The following ADAM12 variants were observed in gnomAD, a reference collection of about 807,000 sequenced individuals.
The protein encoded by ADAM12 is disintegrin and metalloproteinase domain-containing protein 12.
ADAM12 carries 70 observed loss-of-function variants against 106.4 expected under a neutral mutation model. The ratio of observed to expected loss-of-function variants is 0.66; its 90% CI spans 0.54 to 0.80. The LOEUF (loss-of-function observed/expected upper bound fraction) is 0.80. Ranked by LOEUF, ADAM12 falls within the 30% of genes least tolerant of loss-of-function variation. The probability of loss-of-function intolerance (pLI) is 0.00; values close to 1 mark genes in which losing one functional copy is unlikely to be tolerated. For missense variants in ADAM12, 1,010 were observed against 1,171.9 expected (o/e 0.86, Z 2.02); for synonymous variants, 420 against 433.5 (o/e 0.97, Z 0.39).
chr10:126,089,761 G>A (rs1027975858), intron 11 of ADAM12, among the ~76,000 whole-genome samples: 5 of 151,612 alleles, frequency 3.3e-5, no homozygotes, highest in South Asian at 2.1e-4. Flanking sequence ...TCCCCACAGC[G>A]CCCACAGGCC....
chr10:126,350,008 T>A (rs770507321), intron 1 of ADAM12, among the ~76,000 whole-genome samples: 2 of 152,198 alleles, frequency 1.3e-5, no homozygotes, highest in Non-Finnish European at 1.5e-5. Context: ...CTTTGTTTCA[T>A]CTTTCCTTCA....
intron 2 of ADAM12, among the ~76,000 whole-genome samples, chr10:126,283,159 C>T (rs1042026521): frequency 4.6e-5 from 7 of 152,090 alleles, no homozygotes; most frequent in African/African-American, 1.4e-4. Flanking sequence ...CCAGTGCCTC[C>T]GCTAATCTGA....
At chr10:126,055,722 C>A (rs1458345526) in intron 14 of ADAM12, among the ~76,000 whole-genome samples, 1 of 152,226 alleles carries the variant, frequency 6.6e-6, no homozygotes, top group African/African-American at 2.4e-5. Flanking sequence ...CTCTTCGGAA[C>A]CACCAACATA....
chr10:126,202,919 C>G (rs1341839936), intron 3 of ADAM12, among the ~76,000 whole-genome samples: 2 of 152,108 alleles, frequency 1.3e-5, no homozygotes, highest in Admixed American at 6.5e-5. Flanking sequence ...CCTTTCAAGA[C>G]TTTTTATTTC....
At position 126,015,554 on chromosome 10, in the gene ADAM12, G is replaced by A. The variant is rs1953647735; in HGVS notation, c.*1725C>T. On this transcript the variant is annotated 3_prime_UTR_variant, in exon 23 of 23. Coordinates refer to ENST00000448723, the MANE Select transcript of ADAM12 (RefSeq NM_001288973.2). ...ACGAGTTGGAATGTATTAGAGCTGG[G>A]TTCCCTTTTGTGTGTGTTTGTGTCA... 6.6e-6 allele frequency: 1 copy of A among 152,156 alleles called. No homozygotes were observed. The highest frequency in any genetic ancestry group is 1.5e-5 in the Non-Finnish European group (1 of 68,036). The allele number at this position is 152,156 out of a possible 1,614,324, so 9.4% of individuals were successfully genotyped here.
chr10:126,135,894 CTT>C (rs1956396582), intron 4 of ADAM12, among the ~76,000 whole-genome samples: 1 of 152,242 alleles, frequency 6.6e-6, no homozygotes, highest in Non-Finnish European at 1.5e-5. Context: ...TAGTTTCACT[CTT>C]GTCTCTCTGG....
intron 1 of ADAM12, among the ~76,000 whole-genome samples, chr10:126,363,276 A>G (rs565852344): frequency 3.9e-5 from 6 of 152,210 alleles, no homozygotes; most frequent in Non-Finnish European, 8.8e-5. Context: ...TCTGTACAAG[A>G]TTTATGTTCC....
chr10:126,233,177 GAGA>G (rs1285356428), intron 3 of ADAM12, among the ~76,000 whole-genome samples: 2 of 152,160 alleles, frequency 1.3e-5, no homozygotes, highest in African/African-American at 2.4e-5. Context: ...GGGTGTGCGG[GAGA>G]AGAACAGCCA....
intron 21 of ADAM12, among the ~76,000 whole-genome samples, chr10:126,027,952 A>G (rs1953906370): frequency 6.6e-6 from 1 of 152,304 alleles, no homozygotes; most frequent in East Asian, 1.9e-4. Flanking sequence ...TGAAAACCCC[A>G]TTGTCTTAGC....
intron 1 of ADAM12, among the ~76,000 whole-genome samples, chr10:126,351,508 T>C (rs1007586189): frequency 3.3e-5 from 5 of 152,252 alleles, no homozygotes; most frequent in Non-Finnish European, 7.4e-5. Flanking sequence ...GGCATGTGCT[T>C]ACTACCTGGC....
intron 8 of ADAM12, among the ~76,000 whole-genome samples, chr10:126,103,365 C>T (rs1955703917): frequency 6.6e-6 from 1 of 152,180 alleles, no homozygotes; most frequent in African/African-American, 2.4e-5. Context: ...TGACGGGTTC[C>T]TTTTGATTCT....
rs180847170 is a variant in ADAM12 at position 126,094,742 on chromosome 10, C to T, written c.997-609G>A. On this transcript the variant is annotated intron_variant, in intron 10 of 22. Coordinates refer to ENST00000448723, the MANE Select transcript of ADAM12 (RefSeq NM_001288973.2). Reference sequence around the variant, plus strand: ...CATTCATTTCATTTAAGATTATAAACCAGCTATATCTTATTCTTGCTGGCT... The same window carrying T: ...CATTCATTTCATTTAAGATTATAAATCAGCTATATCTTATTCTTGCTGGCT... Among the ~76,000 whole-genome samples, 5 of 152,276 alleles carry T rather than the reference C, an allele frequency of 3.3e-5. No individual in the cohort carries two copies. In the East Asian group the frequency reaches 7.7e-4, roughly 23 times the overall value.
chr10:126,041,791 A>G (rs6693), intron 18 of ADAM12: 587,662 of 1,110,558 alleles, frequency 0.53, 157,543 homozygotes, highest in Admixed American at 0.55. Flanking sequence ...ACTGCTGTGG[A>G]GGCTCAGTGA....
intron 1 of ADAM12, among the ~76,000 whole-genome samples, chr10:126,379,664 G>C (rs11812891): frequency 0.04 from 6,145 of 152,092 alleles, 427 homozygotes; most frequent in African/African-American, 0.14. Flanking sequence ...TGCACGTTCT[G>C]CCATGTACCC....
chr10:126,324,103 G>A (rs1428215329), intron 2 of ADAM12, among the ~76,000 whole-genome samples: 1 of 152,214 alleles, frequency 6.6e-6, no homozygotes, highest in Non-Finnish European at 1.5e-5. Flanking sequence ...ATCTGTTTCT[G>A]CCATGTGCAA....
intron 10 of ADAM12, among the ~76,000 whole-genome samples, chr10:126,096,354 T>C (rs935554310): frequency 6.6e-6 from 1 of 152,238 alleles, no homozygotes; most frequent in East Asian, 1.9e-4. Context: ...TTAAAAGACC[T>C]TGATAAACAG....
chr10:126,132,528 C>G lies in ADAM12; in HGVS notation c.416+3056G>C, dbSNP rs563785639. On this transcript the variant is annotated intron_variant, in intron 5 of 22. Coordinates refer to ENST00000448723, the MANE Select transcript of ADAM12 (RefSeq NM_001288973.2). ...TCCCAGGAGTGCTGCATGAACACCC[C>G]CCCCCCCTCAACTAGTCCAGTCCCA... 1.6e-4 allele frequency among the ~76,000 whole-genome samples: 23 copies of G among 140,094 alleles called. 1 individual carries two copies. Among genetic ancestry groups the G allele is most frequent in the South Asian group, 1.6e-3 (6 of 3,748 alleles). 91.9% of individuals were successfully genotyped at this position (140,094 alleles called of 152,430 possible).
chr10:126,348,772 T>C (rs909312636), intron 1 of ADAM12, among the ~76,000 whole-genome samples: 8 of 152,226 alleles, frequency 5.3e-5, no homozygotes, highest in Non-Finnish European at 7.3e-5. Context: ...CCAAGTAGAA[T>C]GATCAAATTT....
chr10:126,206,744 GA>G (rs1321522885), intron 3 of ADAM12, among the ~76,000 whole-genome samples: 1 of 151,846 alleles, frequency 6.6e-6, no homozygotes, highest in Non-Finnish European at 1.5e-5. Context: ...TCTTTCTCCT[GA>G]AGGCTTTGCA....
Sources: gnomAD v4.1 joint callset for allele counts (sites outside exome capture counted in the v4.1 genomes callset) on GRCh38, gnomAD v4.1.1 for gene constraint, MANE v1.5 for transcripts, NCBI Gene and HGNC (gene_info 2026-07-23, HGNC 2026-07-21) for gene names.